The following SMAD3 variants were observed in gnomAD, a reference collection of about 807,000 sequenced individuals.
SMAD3 encodes SMAD family member 3.
SMAD3 carries 12 observed loss-of-function variants against 51.8 expected under a neutral mutation model. The ratio of observed to expected loss-of-function variants is 0.23; its 90% CI spans 0.15 to 0.38. The LOEUF is 0.38. Ranked by LOEUF, SMAD3 falls within the 10% of genes least tolerant of loss-of-function variation. SMAD3 has a pLI of 1.00. For synonymous variants in SMAD3, 238 were observed against 227.7 expected (o/e 1.05, Z -0.41); for missense variants, 294 against 565.6 (o/e 0.52, Z 4.87).
chr15:67,094,670 A>C (rs1960578316), intron 1 of SMAD3, among the ~76,000 whole-genome samples: 1 of 152,230 alleles, frequency 6.6e-6, no homozygotes, highest in South Asian at 2.1e-4. Context: ...CTTTACAGGC[A>C]TTTAGGGAAA....
chr15:67,119,094 G>A (rs143870913), intron 1 of SMAD3, among the ~76,000 whole-genome samples: 25 of 150,704 alleles, frequency 1.7e-4, no homozygotes, highest in South Asian at 4.1e-4. Flanking sequence ...GGATATGAGC[G>A]TAGAATGAGA....
chr15:67,165,260 T>C lies in SMAD3; in HGVS notation c.408T>C (p.Pro136=), dbSNP rs1256814354. Residue 136 remains proline (P), a synonymous_variant, in exon 3 of 9, where the codon CCT becomes CCC. Coordinates refer to ENST00000327367, the MANE Select transcript of SMAD3 (RefSeq NM_005902.4). ...TCTGTCTCCCCCGGACAGTTCTACC[T>C]CCTGTGTTGGTGCCACGCCACACAG... The part of the protein sequence containing the change: ...HYQRVETPVL[P]PVLVPRHTEI... The C allele has an allele frequency of 1.2e-6, 2 of 1,613,928 alleles. No homozygotes were observed. The highest frequency in any genetic ancestry group is 1.7e-6 in the Non-Finnish European group (2 of 1,180,010).
chr15:67,085,849 T>G lies in SMAD3; in HGVS notation c.206+19489T>G, dbSNP rs74019897. Among the ~76,000 whole-genome samples the G allele has an allele frequency of 2.7e-3, 409 of 148,934 alleles. 1 individual carries two copies. The highest frequency in any genetic ancestry group is 9.8e-3 in the African/African-American group (386 of 39,552). On this transcript the variant is annotated intron_variant, in intron 1 of 8. Transcript: ENST00000327367. ...TGTTCTGGGTGGAAAGTGATAGTGG[T>G]TGGTCAAAAAAAAAGCGTGCACACA...
At chr15:67,089,134 G>T (rs1003329464) in intron 1 of SMAD3, among the ~76,000 whole-genome samples, 1 of 152,088 alleles carries the variant, frequency 6.6e-6, no homozygotes. Flanking sequence ...CTTGCAAAGT[G>T]GGCCTTTAAA....
chr15:67,070,128 C>T (rs891948714), intron 1 of SMAD3, among the ~76,000 whole-genome samples: 26 of 152,194 alleles, frequency 1.7e-4, no homozygotes, highest in Admixed American at 4.6e-4. Context: ...TGGGGATAGA[C>T]CTATTACTAA....
rs1566985976 is a variant in SMAD3, at chr15:67,150,819, TATTAAGAGAGCAAAGCTATTTCTCAGTC to T, written c.207-14075_207-14048del. ...CCTGCTTTTTTTTTTTTTTTTTTTTTATTAAGAGAGCAAAGCTATTTCTCAGTCTTTTTTTTTTTTTTTTTTTTTTTTT... is the reference window on the plus strand; with the variant it reads ...CCTGCTTTTTTTTTTTTTTTTTTTTTTTTTTTTTTTTTTTTTTTTTTTTTT... On this transcript the variant is annotated intron_variant, in intron 1 of 8. Coordinates refer to ENST00000327367, the MANE Select transcript of SMAD3 (RefSeq NM_005902.4). Among the ~76,000 whole-genome samples the T allele has an allele frequency of 1.3e-3, 129 of 100,848 alleles. 4 individuals are homozygous for T. Among genetic ancestry groups the T allele is most frequent in the Middle Eastern group, 6.0e-3 (1 of 168 alleles). 66.2% of individuals were successfully genotyped at this position (100,848 alleles called of 152,430 possible).
In SMAD3 at chr15:67,139,400, C is replaced by A. The variant is rs1961757820; in HGVS notation, c.207-25495C>A. ...AGAATTTTTATTAGGGGGAGGGGAG[C>A]ATTCTCTACCCCTCCTCCCTCAATG... On this transcript the variant is annotated intron_variant, in intron 1 of 8. Coordinates refer to ENST00000327367, the MANE Select transcript of SMAD3 (RefSeq NM_005902.4). 5.9e-5 allele frequency among the ~76,000 whole-genome samples: 9 copies of A among 152,270 alleles called. No individual in the cohort carries two copies. The South Asian group carries it at 1.9e-3, about 32-fold the overall frequency.
intron 5 of SMAD3, among the ~76,000 whole-genome samples, chr15:67,171,605 G>A (rs1389679622): frequency 1.3e-5 from 2 of 152,194 alleles, no homozygotes; most frequent in Non-Finnish European, 2.9e-5. Context: ...AAGTGGATTG[G>A]ACTGGTTTTT....
chr15:67,116,128 A>G (rs1473375219), intron 1 of SMAD3, among the ~76,000 whole-genome samples: 1 of 152,240 alleles, frequency 6.6e-6, no homozygotes, highest in East Asian at 1.9e-4. Flanking sequence ...GCTGAGCACC[A>G]GTTAGTTGCC....
intron 1 of SMAD3, among the ~76,000 whole-genome samples, chr15:67,109,022 T>G (rs929771752): frequency 1.3e-5 from 2 of 152,202 alleles, no homozygotes; most frequent in African/African-American, 2.4e-5. Context: ...ACAATTGAGT[T>G]CTTGTTGACG....
chr15:67,175,917 G>C (rs1333434068), intron 5 of SMAD3, among the ~76,000 whole-genome samples: 1 of 152,052 alleles, frequency 6.6e-6, no homozygotes, highest in East Asian at 1.9e-4. Context: ...TCACAGGCAG[G>C]GTCTTCCCCA....
At chr15:67,182,481 G>A (rs1275641860) in intron 6 of SMAD3, among the ~76,000 whole-genome samples, 5 of 152,168 alleles carry the variant, frequency 3.3e-5, no homozygotes, top group South Asian at 2.1e-4. Context: ...GGGTTCCTGC[G>A]GCAAACTCAG....
At chr15:67,119,946 G>A (rs968103821) in intron 1 of SMAD3, among the ~76,000 whole-genome samples, 8 of 152,118 alleles carry the variant, frequency 5.3e-5, no homozygotes, top group African/African-American at 1.4e-4. Flanking sequence ...ATAGGCACAC[G>A]CTACCACGCC....
At chr15:67,142,199 A>ACCCC (rs549870512) in intron 1 of SMAD3, among the ~76,000 whole-genome samples, 10,343 of 126,194 alleles carry the variant, frequency 0.082, 430 homozygotes, top group East Asian at 0.19. Flanking sequence ...TCCTCCCCAC[A>ACCCC]CCCCCCCCAC....
Position 67,184,869 on chromosome 15 carries a change from A to C in SMAD3, c.1009+5A>C, listed in dbSNP as rs772995932. On this transcript the variant is annotated splice_donor_5th_base_variant and intron_variant, in intron 7 of 8. Coordinates refer to ENST00000327367, the MANE Select transcript of SMAD3 (RefSeq NM_005902.4). ...CCGTCTGCAAGATCCCACCAGGTAAACGAGCCGCACAGGCACCCCTGCCTT... is the reference window on the plus strand; with the variant it reads ...CCGTCTGCAAGATCCCACCAGGTAACCGAGCCGCACAGGCACCCCTGCCTT... The C allele has an allele frequency of 4.2e-5, 67 of 1,612,350 alleles. No homozygotes were observed. Among genetic ancestry groups the C allele is most frequent in the Non-Finnish European group, 5.7e-5 (67 of 1,179,980 alleles).
intron 1 of SMAD3, among the ~76,000 whole-genome samples, chr15:67,085,465 A>C (rs1960367584): frequency 6.6e-6 from 1 of 152,222 alleles, no homozygotes; most frequent in Admixed American, 6.5e-5. Context: ...TCTATTACTC[A>C]TTTGAATAGT....
intron 1 of SMAD3, among the ~76,000 whole-genome samples, chr15:67,080,138 C>A (rs1960250582): frequency 6.6e-6 from 1 of 152,152 alleles, no homozygotes; most frequent in Non-Finnish European, 1.5e-5. Flanking sequence ...TGATACCTGA[C>A]CAAGGTAATG....
intron 1 of SMAD3, among the ~76,000 whole-genome samples, chr15:67,150,184 ACT>A (rs1430746856): frequency 1.3e-5 from 2 of 152,218 alleles, no homozygotes; most frequent in African/African-American, 4.8e-5. Context: ...CGTGAATGTC[ACT>A]GAGTCGCCCG....
intron 5 of SMAD3, among the ~76,000 whole-genome samples, chr15:67,176,583 T>A (rs1432563426): frequency 6.6e-6 from 1 of 152,248 alleles, no homozygotes; most frequent in Non-Finnish European, 1.5e-5. Context: ...GCACATGTTT[T>A]TAATAGGCAT....
Sources: gnomAD v4.1 joint callset for allele counts (sites outside exome capture counted in the v4.1 genomes callset) on GRCh38, gnomAD v4.1.1 for gene constraint, MANE v1.5 for transcripts, NCBI Gene and HGNC (gene_info 2026-07-23, HGNC 2026-07-21) for gene names.